The following RAD51B variants were observed in gnomAD, a reference collection of about 807,000 sequenced individuals.
RAD51B encodes the protein RAD51 paralog B.
RAD51B carries 38 observed loss-of-function variants against 42.2 expected under a neutral mutation model. The ratio of observed to expected loss-of-function variants is 0.90; its 90% CI spans 0.70 to 1.18. The LOEUF is 1.18. RAD51B is among the 50% of genes most tolerant of loss of function. RAD51B has a pLI of 0.00. For missense variants in RAD51B, 373 were observed against 400.7 expected (o/e 0.93, Z 0.59); for synonymous variants, 154 against 145.2 (o/e 1.06, Z -0.43).
intron 7 of RAD51B, among the ~76,000 whole-genome samples, chr14:68,140,118 T>G (rs2078096370): frequency 6.6e-6 from 1 of 152,146 alleles, no homozygotes; most frequent in African/African-American, 2.4e-5. Context: ...TTCCAGAATA[T>G]GACAGAGAGA....
intron 7 of RAD51B, chr14:68,124,963 A>T (rs2077726823): frequency 6.6e-6 from 1 of 151,608 alleles, no homozygotes; most frequent in Non-Finnish European, 1.5e-5. Flanking sequence ...AAAAAAAAAA[A>T]TTATATAGCT....
chr14:68,355,596 G>T (rs1288633623), intron 8 of RAD51B, among the ~76,000 whole-genome samples: 2 of 152,144 alleles, frequency 1.3e-5, no homozygotes, highest in African/African-American at 4.8e-5. Context: ...CTGGAGATTG[G>T]TTCAGTGGTT....
intron 7 of RAD51B, among the ~76,000 whole-genome samples, chr14:68,175,585 A>G (rs1339151168): frequency 1.3e-5 from 2 of 152,214 alleles, no homozygotes; most frequent in Non-Finnish European, 2.9e-5. Flanking sequence ...GTGCTGGGGC[A>G]TGATACTAAG....
intron 8 of RAD51B, among the ~76,000 whole-genome samples, chr14:68,367,703 G>T (rs539917629): frequency 7.2e-5 from 11 of 152,296 alleles, no homozygotes; most frequent in Non-Finnish European, 1.5e-4. Context: ...ACCCAGAAAA[G>T]CTGGCCTGGT....
At chr14:68,187,904 T>G (rs2079188972) in intron 7 of RAD51B, among the ~76,000 whole-genome samples, 2 of 152,182 alleles carry the variant, frequency 1.3e-5, no homozygotes, top group Admixed American at 1.3e-4. Flanking sequence ...AACCTCCACC[T>G]CCTGGGTCAA....
At chr14:68,257,057 A>G (rs1234554030) in intron 7 of RAD51B, among the ~76,000 whole-genome samples, 1 of 152,224 alleles carries the variant, frequency 6.6e-6, no homozygotes, top group African/African-American at 2.4e-5. Flanking sequence ...GCATTAAAAC[A>G]TGGATGGACT....
chr14:68,114,236 G>A (rs1276708903), intron 7 of RAD51B: 1 of 151,956 alleles, frequency 6.6e-6, no homozygotes, highest in African/African-American at 2.4e-5. Context: ...CAACCCTTCA[G>A]CCTCACTGAA....
intron 7 of RAD51B, among the ~76,000 whole-genome samples, chr14:68,105,670 G>T (rs1478138483): frequency 6.6e-6 from 1 of 151,824 alleles, no homozygotes; most frequent in Admixed American, 6.6e-5. Flanking sequence ...AATAATAATT[G>T]GAATTTCATT....
chr14:68,671,071 T>A (rs1893146751), intron 11 of RAD51B, among the ~76,000 whole-genome samples: 1 of 152,060 alleles, frequency 6.6e-6, no homozygotes, highest in Non-Finnish European at 1.5e-5. Context: ...CCTGATCCAG[T>A]CTCTTCCCAG....
intron 10 of RAD51B, among the ~76,000 whole-genome samples, chr14:68,509,116 C>T (rs1333923686): frequency 2.0e-5 from 3 of 152,262 alleles, no homozygotes; most frequent in Non-Finnish European, 1.5e-5. Flanking sequence ...CTGGGCTCAC[C>T]AGCCACTGGG....
intron 8 of RAD51B, among the ~76,000 whole-genome samples, chr14:68,392,772 G>A (rs1290734540): frequency 1.3e-5 from 2 of 152,222 alleles, no homozygotes; most frequent in African/African-American, 4.8e-5. Flanking sequence ...GTCCATACTA[G>A]TGAAGGCTGT....
rs955988854 is a variant in RAD51B, at chr14:68,048,712, G to A, written c.756+161508G>A. Among the ~76,000 whole-genome samples, 5 of 152,302 alleles carry A rather than the reference G, an allele frequency of 3.3e-5. 1 individual carries two copies. Among genetic ancestry groups the A allele is most frequent in the Middle Eastern group, 6.8e-3 (2 of 294 alleles). ...TCATTAAAAAGTCAGGAAACAACAG[G>A]TGCTGGAGAGGATGTGGAGAAATAG... On this transcript the variant is annotated intron_variant, in intron 7 of 10. Transcript: ENST00000471583.
chr14:68,580,286 C>T (rs987143757), intron 10 of RAD51B, among the ~76,000 whole-genome samples: 3 of 151,962 alleles, frequency 2.0e-5, no homozygotes, highest in African/African-American at 7.3e-5. Context: ...CCTGCTTGCC[C>T]TGCGGCCAGC....
rs1892330067 is a variant in RAD51B, at chr14:68,635,867, T to C, written c.1037-14914T>C. ...AGACCCTTTGAGAAGAAGAGCAATT[T>C]ACAACTTTGCTCTGAGTCTAAGTGG... is the stretch of plus-strand genomic sequence containing the variant. On this transcript the variant is annotated intron_variant, in intron 10 of 11. Transcript: ENST00000488612. 1.3e-5 allele frequency among the ~76,000 whole-genome samples: 2 copies of C among 152,196 alleles called. 1 individual carries two copies. The highest frequency in any genetic ancestry group is 4.1e-4 in the South Asian group (2 of 4,830).
At chr14:68,248,155 GTAA>G (rs1482133046) in intron 7 of RAD51B, among the ~76,000 whole-genome samples, 1 of 152,188 alleles carries the variant, frequency 6.6e-6, no homozygotes, top group African/African-American at 2.4e-5. Context: ...AGTTGCAGAA[GTAA>G]TAATACTTTA....
chr14:68,632,968 C>CTTTTTTTTTTTTTT (rs397852024), intron 10 of RAD51B, among the ~76,000 whole-genome samples: 6 of 59,410 alleles, frequency 1.0e-4, no homozygotes, highest in Non-Finnish European at 8.9e-5. Flanking sequence ...TTTTCTTTTT[C>CTTTTTTTTTTTTTT]TTTTTTTTTT....
intron 7 of RAD51B, among the ~76,000 whole-genome samples, chr14:67,993,458 G>A (rs952871622): frequency 9.9e-5 from 15 of 152,008 alleles, no homozygotes; most frequent in Non-Finnish European, 1.0e-4. Flanking sequence ...GTATTTCTGC[G>A]TCTGGCTTAC....
intron 11 of RAD51B, among the ~76,000 whole-genome samples, chr14:68,657,130 C>A (rs2140142928): frequency 6.6e-6 from 1 of 152,274 alleles, no homozygotes; most frequent in Non-Finnish European, 1.5e-5. Flanking sequence ...TGAGATGGAG[C>A]TGGTGTGACT....
At chr14:68,335,747 G>C (rs572700575) in intron 8 of RAD51B, among the ~76,000 whole-genome samples, 4 of 152,352 alleles carry the variant, frequency 2.6e-5, no homozygotes, top group Middle Eastern at 3.4e-3. Context: ...ATTAAAGGTA[G>C]AGTTAGAATC....
Sources: gnomAD v4.1 joint callset for allele counts (sites outside exome capture counted in the v4.1 genomes callset) on GRCh38, gnomAD v4.1.1 for gene constraint, MANE v1.5 for transcripts, NCBI Gene and HGNC (gene_info 2026-07-23, HGNC 2026-07-21) for gene names.